GAREM1: variants seen among roughly 807,000 people sequenced by gnomAD.
GAREM1 encodes the protein GRB2-associated and regulator of MAPK protein 1.
A neutral mutation model predicts 71.3 loss-of-function variants in GAREM1; 26 were observed. That is an observed-to-expected ratio of 0.36 (90% CI 0.27 to 0.51). GAREM1 has a LOEUF of 0.51. GAREM1 is among the 20% of genes least tolerant of loss of function. The pLI, the probability that GAREM1 is intolerant of heterozygous loss-of-function variation, is 0.95. For missense variants in GAREM1, 1,026 were observed against 1,103.1 expected (o/e 0.93, Z 0.99); for synonymous variants, 440 against 433.2 (o/e 1.02, Z -0.20).
chr18:32,392,114 C>T (rs561496172), intron 2 of GAREM1, among the ~76,000 whole-genome samples: 171 of 151,942 alleles, frequency 1.1e-3, no homozygotes, highest in Non-Finnish European at 2.2e-3. Context: ...TCTGAACAGA[C>T]TTGGAAAATA....
intron 2 of GAREM1, among the ~76,000 whole-genome samples, chr18:32,369,596 T>C (rs150803138): frequency 1.3e-5 from 2 of 152,134 alleles, no homozygotes; most frequent in African/African-American, 2.4e-5. Context: ...AGAATGACAA[T>C]TTTATGGTTG....
chr18:32,345,510 C>T (rs1258485637), intron 2 of GAREM1, among the ~76,000 whole-genome samples: 1 of 152,098 alleles, frequency 6.6e-6, no homozygotes, highest in Non-Finnish European at 1.5e-5. Context: ...CCAAGTTCTT[C>T]AAGTAGAGTA....
At chr18:32,362,542 A>T (rs796690569) in intron 2 of GAREM1, among the ~76,000 whole-genome samples, 4 of 152,338 alleles carry the variant, frequency 2.6e-5, no homozygotes, top group African/African-American at 9.6e-5. Flanking sequence ...AAAGAGAGAG[A>T]AGTTCCTGGG....
intron 2 of GAREM1, among the ~76,000 whole-genome samples, chr18:32,367,912 G>C (rs1275260096): frequency 6.6e-6 from 1 of 152,180 alleles, no homozygotes; most frequent in Admixed American, 6.5e-5. Context: ...CCTGAGACAA[G>C]GCAGAGTCAA....
intron 5 of GAREM1, among the ~76,000 whole-genome samples, chr18:32,269,767 T>G (rs1031841554): frequency 1.3e-5 from 2 of 152,130 alleles, no homozygotes; most frequent in Non-Finnish European, 2.9e-5. Context: ...AAATGACCAC[T>G]CAACAGTGAT....
intron 2 of GAREM1, among the ~76,000 whole-genome samples, chr18:32,313,000 T>C (rs2047339006): frequency 6.6e-6 from 1 of 152,218 alleles, no homozygotes; most frequent in Non-Finnish European, 1.5e-5. Flanking sequence ...GTAATATGAT[T>C]GCTGGGCAGC....
intron 3 of GAREM1, among the ~76,000 whole-genome samples, chr18:32,292,251 A>ATT (rs539173829): frequency 6.7e-6 from 1 of 148,956 alleles, no homozygotes; most frequent in Non-Finnish European, 1.5e-5. Context: ...AGTGATGATG[A>ATT]TTTTTTTTTT....
chr18:32,329,562 C>T (rs192838940), intron 2 of GAREM1, among the ~76,000 whole-genome samples: 17 of 151,526 alleles, frequency 1.1e-4, no homozygotes, highest in Non-Finnish European at 2.5e-4. Flanking sequence ...AAAAATTAGC[C>T]AGGTGTGGTG....
intron 1 of GAREM1, among the ~76,000 whole-genome samples, chr18:32,445,455 C>A (rs1167555272): frequency 6.6e-6 from 1 of 151,928 alleles, no homozygotes; most frequent in African/African-American, 2.4e-5. Context: ...TCTGCTCTTC[C>A]AATAGGGGTA....
At chr18:32,289,868 A>G (rs2047063136) in intron 3 of GAREM1, among the ~76,000 whole-genome samples, 1 of 152,212 alleles carries the variant, frequency 6.6e-6, no homozygotes, top group East Asian at 1.9e-4. Context: ...AAACGCTGGT[A>G]TAATTACCAG....
intron 1 of GAREM1, among the ~76,000 whole-genome samples, chr18:32,457,230 T>A (rs568358677): frequency 3.3e-3 from 472 of 142,280 alleles, no homozygotes; most frequent in African/African-American, 4.9e-3. Context: ...AGAGAGAGTG[T>A]GTGTGTGTGT....
chr18:32,334,965 T>G (rs1440074126), intron 2 of GAREM1, among the ~76,000 whole-genome samples: 2 of 152,184 alleles, frequency 1.3e-5, no homozygotes, highest in Non-Finnish European at 2.9e-5. Flanking sequence ...CCACTCAGAC[T>G]GGGAGCTTTG....
intron 1 of GAREM1, among the ~76,000 whole-genome samples, chr18:32,457,224 A>AGGGT (rs1309543369): frequency 1.9e-5 from 2 of 107,360 alleles, no homozygotes; most frequent in Admixed American, 1.0e-4. Flanking sequence ...AGAGAGAGAG[A>AGGGT]GAGTGTGTGT....
intron 2 of GAREM1, among the ~76,000 whole-genome samples, chr18:32,334,144 A>G (rs2047565575): frequency 6.6e-6 from 1 of 152,216 alleles, no homozygotes; most frequent in South Asian, 2.1e-4. Context: ...CCAGCCAGAT[A>G]CTTCAATTCC....
chr18:32,269,113 T>C (rs2041419321), intron 5 of GAREM1, among the ~76,000 whole-genome samples: 1 of 152,188 alleles, frequency 6.6e-6, no homozygotes, highest in African/African-American at 2.4e-5. Context: ...TGATGAATGA[T>C]GTCTGCAGTG....
chr18:32,287,021 A>C lies in GAREM1; in HGVS notation c.1566+10T>G. The C allele has an allele frequency of 6.3e-7, 1 of 1,597,138 alleles. No individual in the cohort carries two copies. Among genetic ancestry groups the C allele is most frequent in the East Asian group, 2.2e-5 (1 of 44,678 alleles). On this transcript the variant is annotated intron_variant, in intron 4 of 5. Transcript: ENST00000269209. This position sits in a 1 kb window ranked among gnomAD's most constrained non-coding sequence, Gnocchi z 5.9. ...GACTGGCACCGCATTCAAAAACAGA[A>C]ATGACTTACGGCTTCAGATTTGGGA...
intron 3 of GAREM1, among the ~76,000 whole-genome samples, chr18:32,291,278 G>GA (rs1204923154): frequency 1.1e-5 from 1 of 89,052 alleles, no homozygotes; most frequent in Non-Finnish European, 2.4e-5. Context: ...AAGAAGAAAG[G>GA]AAAAATTAGT....
intron 1 of GAREM1, among the ~76,000 whole-genome samples, chr18:32,432,721 C>T (rs1439535093): frequency 6.6e-6 from 1 of 152,118 alleles, no homozygotes; most frequent in Non-Finnish European, 1.5e-5. Context: ...TTGAAAATCA[C>T]AAACTGCCAA....
At chr18:32,286,058 G>A (rs1461378763) in intron 4 of GAREM1, among the ~76,000 whole-genome samples, 1 of 152,170 alleles carries the variant, frequency 6.6e-6, no homozygotes, top group Non-Finnish European at 1.5e-5. Flanking sequence ...GAAAGCCACT[G>A]TAATAGATAC....
Sources: allele counts gnomAD v4.1 joint callset (sites outside exome capture counted in the v4.1 genomes callset), GRCh38; gene constraint gnomAD v4.1.1; non-coding constraint Gnocchi (gnomAD v3.1); transcripts MANE v1.5; gene names NCBI Gene and HGNC (gene_info 2026-07-23, HGNC 2026-07-21).